The following PLOD1 variants were observed in gnomAD, a reference collection of about 807,000 sequenced individuals.
PLOD1 encodes the protein lysine hydroxylase.
A neutral mutation model predicts 94.7 loss-of-function variants in PLOD1; 70 were observed. That is an observed-to-expected ratio of 0.74 (90% CI 0.61 to 0.90). The LOEUF (loss-of-function observed/expected upper bound fraction) is 0.90. Ranked by LOEUF, PLOD1 falls within the 40% of genes least tolerant of loss-of-function variation. PLOD1 has a pLI of 0.00. For synonymous variants in PLOD1, 417 were observed against 400.2 expected (o/e 1.04, Z -0.50); for missense variants, 905 against 972.7 (o/e 0.93, Z 0.93).
chr1:11,954,877 C>T lies in PLOD1; in HGVS notation c.627C>T (p.Asn209=), dbSNP rs2100748753. The T allele has an allele frequency of 3.1e-6, 5 of 1,613,284 alleles. No individual in the cohort carries two copies. Among genetic ancestry groups the T allele is most frequent in the Non-Finnish European group, 4.2e-6 (5 of 1,179,206 alleles). ...TLDHRCRIFQ[N]LDGALDEVVL... ...ACCACCGCTGCCGTATCTTCCAGAA[C>T]CTGGATGGAGCCTTGGGTGAGCAGC... The change falls in exon 6 of 19, where the codon AAC becomes AAT. Residue 209 remains asparagine, a synonymous_variant. Transcript: ENST00000196061.
Position 11,967,006 on chromosome 1 carries a change from G to C in PLOD1, c.1670G>C (p.Trp557Ser), listed in dbSNP as rs1052289406. Residue 557 changes from tryptophan (W) to serine (S), a missense_variant, in exon 16 of 19, where the codon TGG becomes TCG. Trp to Ser is a radical substitution (Grantham distance 177, BLOSUM62 -3). Coordinates refer to ENST00000196061, the MANE Select transcript of PLOD1 (RefSeq NM_000302.4). ...CCCCAGCCCTGCCCGGATGTCTATT[G>C]GTTCCCCATCTTCACGGAGGTGGCC... ...LVETPCPDVY[W>S]FPIFTEVACD... The C allele has an allele frequency of 1.2e-6, 2 of 1,613,176 alleles. No homozygotes were observed. The highest frequency in any genetic ancestry group is 1.7e-6 in the Non-Finnish European group (2 of 1,179,096).
At chr1:11,953,188 G>A (rs945441177) in intron 5 of PLOD1, among the ~76,000 whole-genome samples, 3 of 151,896 alleles carry the variant, frequency 2.0e-5, no homozygotes, top group African/African-American at 2.4e-5. Flanking sequence ...CTCGAGTAGC[G>A]GGGACTACAG....
chr1:11,942,482 T>A (rs886539247), intron 1 of PLOD1, among the ~76,000 whole-genome samples: 2 of 152,072 alleles, frequency 1.3e-5, no homozygotes, highest in Non-Finnish European at 1.5e-5. Flanking sequence ...AGTGACCACA[T>A]GGGATGAGAT....
chr1:11,959,552 C>T (rs1645763471), intron 9 of PLOD1, among the ~76,000 whole-genome samples: 1 of 150,916 alleles, frequency 6.6e-6, no homozygotes, highest in African/African-American at 2.5e-5. Flanking sequence ...AAGCGATTCT[C>T]CTGCCTCAGC....
chr1:11,964,323 T>TGCCCGGGGGGGGGGGGGGG, intron 12 of PLOD1, 23 bp downstream of exon 12: 1 of 274,728 alleles, frequency 3.6e-6, no homozygotes. Flanking sequence ...AGGGTGGGGG[T>TGCCCGGGGGGGGGGGGGGG]GGGTGGGGGA....
Position 11,965,605 on chromosome 1 carries a change from G to C in PLOD1, c.1584+12G>C, listed in dbSNP as rs1645811669. The C allele has an allele frequency of 1.9e-6, 3 of 1,543,030 alleles. No homozygotes were observed. In the South Asian group the frequency reaches 3.3e-5, roughly 17 times the overall value. On this transcript the variant is annotated intron_variant, in intron 14 of 18. Transcript: ENST00000196061. ...TCAGCAACCCCGAGGTGAGGCCAGG[G>C]TGGGCACATAGGGGCTGGGAGCAAA... is the stretch of plus-strand genomic sequence containing the variant.
chr1:11,970,888 G>T, intron 17 of PLOD1, 72 bp downstream of exon 17: 1 of 1,452,078 alleles, frequency 6.9e-7, no homozygotes, highest in Non-Finnish European at 9.4e-7. Flanking sequence ...GCTGGGACTG[G>T]TGGGGGTAGG....
At chr1:11,937,145 G>T (rs1228770325) in intron 1 of PLOD1, among the ~76,000 whole-genome samples, 2 of 152,214 alleles carry the variant, frequency 1.3e-5, no homozygotes, top group Non-Finnish European at 2.9e-5. Context: ...ACCGCGCCCG[G>T]CCAGGAACTG....
rs1248113723 is a variant in PLOD1 at position 11,966,549 on chromosome 1, C to G, written c.1650+233C>G. Reference sequence around the variant, plus strand: ...GGGGGTGGGGGGAGGCAGGATGGCCCCTCTACCTGTTGGCACTTTCCTGCT... The same window carrying G: ...GGGGGTGGGGGGAGGCAGGATGGCCGCTCTACCTGTTGGCACTTTCCTGCT... On this transcript the variant is annotated intron_variant, in intron 15 of 18. Transcript: ENST00000196061. The G allele has an allele frequency of 5.4e-6, 3 of 554,072 alleles. No individual in the cohort carries two copies. In the African/African-American group the frequency reaches 5.6e-5, roughly 10 times the overall value. The allele number at this position is 554,072 out of a possible 1,614,324, so 34.3% of individuals were successfully genotyped here.
At chr1:11,950,568 T>C in intron 4 of PLOD1, 48 bp downstream of exon 4, 1 of 1,579,156 alleles carries the variant, frequency 6.3e-7, no homozygotes, top group Non-Finnish European at 8.7e-7. Context: ...GGGGTCCATC[T>C]ACTGCCTTTG....
chr1:11,975,429 G>A lies in PLOD1; in HGVS notation c.*621G>A, dbSNP rs534573017. On this transcript the variant is annotated 3_prime_UTR_variant, in exon 19 of 19. Transcript: ENST00000196061. ...GATCTTCTACTTGCCTGTGGGGAGG[G>A]GAGTGACAGGTCCACACACCACACT... 1.8e-5 allele frequency: 3 copies of A among 169,722 alleles called. No individual in the cohort carries two copies. The South Asian group carries it at 4.1e-4, about 23-fold the overall frequency. 10.5% of individuals were successfully genotyped at this position (169,722 alleles called of 1,614,324 possible).
chr1:11,944,435 A>G, intron 1 of PLOD1: 3 of 803,134 alleles, frequency 3.7e-6, no homozygotes, highest in Non-Finnish European at 1.8e-6. Flanking sequence ...ACACACACAC[A>G]CACACACACA....
Position 11,957,954 on chromosome 1 carries a change from G to A in PLOD1, c.843+11G>A, listed in dbSNP as rs745557838. Reference sequence around the variant, plus strand: ...CTCAAGGGCATTGGGGTGAGGCTGCGCCCAGGCCTGTGCCTGAGGGACACG... The same window carrying A: ...CTCAAGGGCATTGGGGTGAGGCTGCACCCAGGCCTGTGCCTGAGGGACACG... On this transcript the variant is annotated intron_variant, in intron 8 of 18. Coordinates refer to ENST00000196061, the MANE Select transcript of PLOD1 (RefSeq NM_000302.4). This position sits in a 1 kb window ranked among gnomAD's most constrained non-coding sequence, Gnocchi z 4.1. The A allele has an allele frequency of 1.2e-5, 19 of 1,572,744 alleles. No homozygotes were observed. The highest frequency in any genetic ancestry group is 2.7e-5 in the African/African-American group (2 of 74,108).
chr1:11,941,625 G>C (rs112171882), intron 1 of PLOD1, among the ~76,000 whole-genome samples: 3,884 of 151,866 alleles, frequency 0.026, 167 homozygotes, highest in African/African-American at 0.089. Context: ...GATTATAGGC[G>C]CCTGCCACCA....
Position 11,960,747 on chromosome 1 carries a change from A to G in PLOD1, c.1077A>G (p.Ala359=), listed in dbSNP as rs1569713675. 6.2e-7 allele frequency: 1 copy of G among 1,613,160 alleles called. No homozygotes were observed. Among genetic ancestry groups the G allele is most frequent in the East Asian group, 2.2e-5 (1 of 44,884 alleles). The part of the protein sequence containing the change: ...LVGPEVRMAN[A]DARNMGADLC... The stretch of plus-strand genomic sequence containing the variant: ...GCCCTGAGGTGCGGATGGCGAATGC[A>G]GATGCCAGGAACATGGGCGCGTGAG... The change falls in exon 10 of 19, where the codon GCA becomes GCG. Residue 359 remains alanine, a synonymous_variant. Coordinates refer to ENST00000196061, the MANE Select transcript of PLOD1 (RefSeq NM_000302.4).
Position 11,944,148 on chromosome 1 carries a change from G to A in PLOD1, c.77-3828G>A, listed in dbSNP as rs1342700155. On this transcript the variant is annotated intron_variant, in intron 1 of 18. Coordinates refer to ENST00000196061, the MANE Select transcript of PLOD1 (RefSeq NM_000302.4). ...TTTAGGAGGCTGAGGCATGAGAATC[G>A]CTTGAACCCAGGAGATAGAGGTTGT... is the stretch of plus-strand genomic sequence containing the variant. 2.6e-5 allele frequency among the ~76,000 whole-genome samples: 4 copies of A among 151,876 alleles called. No homozygotes were observed. The East Asian group carries it at 5.8e-4, about 22-fold the overall frequency.
chr1:11,970,245 C>T (rs764939561), intron 16 of PLOD1, among the ~76,000 whole-genome samples: 4 of 151,840 alleles, frequency 2.6e-5, no homozygotes, highest in Non-Finnish European at 4.4e-5. Flanking sequence ...AGTGAGACTC[C>T]GTCACACACA....
chr1:11,950,253 G>A (rs1645689591), intron 3 of PLOD1, 104 bp from the exon 4 acceptor site: 1 of 1,145,716 alleles, frequency 8.7e-7, no homozygotes, highest in Admixed American at 1.8e-5. Context: ...CGTGGGCAGA[G>A]GGCCATTTGT....
chr1:11,971,492 T>A (rs1008032831), intron 17 of PLOD1: 2 of 154,498 alleles, frequency 1.3e-5, no homozygotes, highest in African/African-American at 4.9e-5. Context: ...CTCAGCCTCA[T>A]GAGTAGCTGG....
Sources: allele counts gnomAD v4.1 joint callset (sites outside exome capture counted in the v4.1 genomes callset), GRCh38; gene constraint gnomAD v4.1.1; non-coding constraint Gnocchi (gnomAD v3.1); transcripts MANE v1.5; gene names NCBI Gene and HGNC (gene_info 2026-07-23, HGNC 2026-07-21).